Variants in SEPTIN11 observed in about 807,000 individuals in gnomAD.
SEPTIN11 encodes the protein septin 11.
Under a neutral mutation model 51.4 loss-of-function variants are expected in SEPTIN11, and 25 were observed. That is an observed-to-expected ratio of 0.49 (90% CI 0.35 to 0.68). The LOEUF (loss-of-function observed/expected upper bound fraction) is 0.68, where lower values mean the gene tolerates loss of function less well. SEPTIN11 is among the 30% of genes least tolerant of loss of function. SEPTIN11 has a pLI of 0.00. For missense variants in SEPTIN11, 381 were observed against 520.8 expected (o/e 0.73, Z 2.61); for synonymous variants, 174 against 184.1 (o/e 0.95, Z 0.44).
intron 8 of SEPTIN11, among the ~76,000 whole-genome samples, chr4:77,029,243 C>T (rs1370601655): frequency 6.6e-6 from 1 of 152,222 alleles, no homozygotes; most frequent in Non-Finnish European, 1.5e-5. Flanking sequence ...CTCCCTGCTT[C>T]AGCCTTACCT....
chr4:76,969,132 G>A (rs1253665254), intron 1 of SEPTIN11, among the ~76,000 whole-genome samples: 2 of 152,150 alleles, frequency 1.3e-5, no homozygotes, highest in East Asian at 3.8e-4. Flanking sequence ...AATTTTTCAG[G>A]CCAACAGAAG....
chr4:77,036,858 C>A lies in SEPTIN11; in HGVS notation c.*2346C>A. 8 of 1,439,934 alleles carry A rather than the reference C, an allele frequency of 5.6e-6. No individual in the cohort carries two copies. Among genetic ancestry groups the A allele is most frequent in the South Asian group, 1.5e-5 (1 of 68,708 alleles). 89.2% of individuals were successfully genotyped at this position (1,439,934 alleles called of 1,614,324 possible). A position where few individuals can be genotyped will look rare whatever the true frequency, so the allele number is the denominator to read the frequency against. ...TGCATGTAAGTACGGTAGTAAGAAA[C>A]CTTTGAGATCTTTCTGACTTTTCAA... On this transcript the variant is annotated 3_prime_UTR_variant, in exon 10 of 10. Transcript: ENST00000264893.
At chr4:76,967,234 A>G (rs1252901550) in intron 1 of SEPTIN11, among the ~76,000 whole-genome samples, 1 of 152,216 alleles carries the variant, frequency 6.6e-6, no homozygotes, top group Non-Finnish European at 1.5e-5. Flanking sequence ...TGATGTAGCT[A>G]TAACATTAAT....
At chr4:76,956,993 T>TGTGTGTGTGTGAGA (rs769320568) in intron 1 of SEPTIN11, among the ~76,000 whole-genome samples, 15 of 98,486 alleles carry the variant, frequency 1.5e-4, no homozygotes, top group African/African-American at 4.6e-4. Context: ...TGTGTGTGTG[T>TGTGTGTGTGTGAGA]GAGAGAGAGA....
At chr4:76,970,514 A>G (rs1338419789) in intron 1 of SEPTIN11, among the ~76,000 whole-genome samples, 2 of 152,248 alleles carry the variant, frequency 1.3e-5, no homozygotes, top group African/African-American at 2.4e-5. Flanking sequence ...AATTTTCTCC[A>G]GGAATTCTTA....
At position 77,037,003 on chromosome 4, in the gene SEPTIN11, T is replaced by A; in HGVS notation, c.*2491T>A. The A allele has an allele frequency of 8.0e-7, 1 of 1,255,860 alleles. No homozygotes were observed. The highest frequency in any genetic ancestry group is 1.0e-6 in the Non-Finnish European group (1 of 1,003,492). The allele number at this position is 1,255,860 out of a possible 1,614,324, so 77.8% of individuals were successfully genotyped here. A position where few individuals can be genotyped will look rare whatever the true frequency, so the allele number is the denominator to read the frequency against. On this transcript the variant is annotated 3_prime_UTR_variant, in exon 10 of 10. Coordinates refer to ENST00000264893, the MANE Select transcript of SEPTIN11 (RefSeq NM_018243.4). ...ACTAAATATATTTAAAAGGCCACAT[T>A]TATATTTTTTTCACAAGAACCACAT...
intron 6 of SEPTIN11, 93 bp downstream of exon 6, chr4:77,019,354 T>A: frequency 9.5e-7 from 1 of 1,051,702 alleles, no homozygotes; most frequent in Non-Finnish European, 1.4e-6. Flanking sequence ...AGGGAGGCCC[T>A]CAACAGTGGG....
chr4:76,986,008 T>C lies in SEPTIN11; in HGVS notation c.28-10417T>C, dbSNP rs538128523. Among the ~76,000 whole-genome samples the C allele has an allele frequency of 4.0e-5, 6 of 150,906 alleles. No individual in the cohort carries two copies. In the East Asian group the frequency reaches 9.8e-4, roughly 25 times the overall value. ...GTGGGAAAAATTTGGCCGAAAAGAG[T>C]GTGGTGGGTGACCAGCAAATGTTAG... is the stretch of plus-strand genomic sequence containing the variant. On this transcript the variant is annotated intron_variant, in intron 1 of 9. Coordinates refer to ENST00000264893, the MANE Select transcript of SEPTIN11 (RefSeq NM_018243.4).
chr4:77,037,358 CA>C lies in SEPTIN11; in HGVS notation c.*2858del, dbSNP rs769454719. The C allele has an allele frequency of 0.056, 36,859 of 653,672 alleles. 11 individuals carry two copies. The highest frequency in any genetic ancestry group is 0.063 in the Non-Finnish European group (33,943 of 536,530). 40.5% of individuals were successfully genotyped at this position (653,672 alleles called of 1,614,324 possible). On this transcript the variant is annotated 3_prime_UTR_variant, in exon 10 of 10. Transcript: ENST00000264893. The stretch of plus-strand genomic sequence containing the variant: ...ACCTGGGTGATGAAGTGAGACTCTC[CA>C]AAAAAAAAAAAGAAATTATTAATCC...
At position 76,984,045 on chromosome 4, in the gene SEPTIN11, A is replaced by T. The variant is rs72607858; in HGVS notation, c.28-12380A>T. On this transcript the variant is annotated intron_variant, in intron 1 of 9. Coordinates refer to ENST00000264893, the MANE Select transcript of SEPTIN11 (RefSeq NM_018243.4). This position sits in a 1 kb window ranked among gnomAD's most constrained non-coding sequence, Gnocchi z 4.1. ...AAAGAAAAAAAGAACTCTTAGGAAGACTTGAGGATTTTGGCCATAATTGTT... is the reference window on the plus strand; with the variant it reads ...AAAGAAAAAAAGAACTCTTAGGAAGTCTTGAGGATTTTGGCCATAATTGTT... Among the ~76,000 whole-genome samples the T allele has an allele frequency of 0.021, 3,246 of 152,256 alleles. 97 individuals carry two copies. The highest frequency in any genetic ancestry group is 0.12 in the East Asian group (641 of 5,182).
intron 1 of SEPTIN11, among the ~76,000 whole-genome samples, chr4:76,966,018 C>A (rs754271130): frequency 2.0e-5 from 3 of 152,206 alleles, no homozygotes; most frequent in Non-Finnish European, 4.4e-5. Context: ...GCTGCCATTT[C>A]TTTTACATGG....
intron 1 of SEPTIN11, chr4:76,972,356 T>C (rs2109902830): frequency 6.6e-6 from 1 of 152,368 alleles, no homozygotes; most frequent in South Asian, 2.1e-4. Context: ...TAATTATATT[T>C]AACTACTGTT....
chr4:77,039,736 T>G (rs1727259379), downstream of SEPTIN11: 1 of 985,382 alleles, frequency 1.0e-6, no homozygotes. Context: ...ATGTTTTTAT[T>G]TTTCAGCTGA....
In SEPTIN11 at chr4:77,037,178, A is replaced by G; in HGVS notation, c.*2666A>G. ...GGAGTTCAAGACCACCTTGGCGAACACGGTGAAACCCCGTCTCTACAAAAA... is the reference window on the plus strand; with the variant it reads ...GGAGTTCAAGACCACCTTGGCGAACGCGGTGAAACCCCGTCTCTACAAAAA... On this transcript the variant is annotated 3_prime_UTR_variant, in exon 10 of 10. Transcript: ENST00000264893. 4.5e-6 allele frequency: 3 copies of G among 670,362 alleles called. No homozygotes were observed. Among genetic ancestry groups the G allele is most frequent in the Non-Finnish European group, 5.5e-6 (3 of 541,004 alleles). 41.5% of individuals were successfully genotyped at this position (670,362 alleles called of 1,614,324 possible). A position where few individuals can be genotyped will look rare whatever the true frequency, so the allele number is the denominator to read the frequency against.
rs1727130292 is a variant in SEPTIN11, at chr4:77,037,665, T to C, written c.*3153T>C. 1.0e-6 allele frequency: 1 copy of C among 985,830 alleles called. No individual in the cohort carries two copies. The highest frequency in any genetic ancestry group is 4.7e-5 in the South Asian group (1 of 21,284). 61.1% of individuals were successfully genotyped at this position (985,830 alleles called of 1,614,324 possible). On this transcript the variant is annotated 3_prime_UTR_variant, in exon 10 of 10. Coordinates refer to ENST00000264893, the MANE Select transcript of SEPTIN11 (RefSeq NM_018243.4). ...TTACCCCATATCTTTTGTTCAAACA[T>C]AATACCATCTTTTTGCTTCTTCTGA... is the stretch of plus-strand genomic sequence containing the variant.
chr4:76,949,861 C>T lies in SEPTIN11; in HGVS notation c.-43C>T, dbSNP rs774545955. The T allele has an allele frequency of 4.6e-6, 7 of 1,510,938 alleles. No individual in the cohort carries two copies. Among genetic ancestry groups the T allele is most frequent in the Non-Finnish European group, 6.2e-6 (7 of 1,133,818 alleles). The allele number at this position is 1,510,938 out of a possible 1,614,324, so 93.6% of individuals were successfully genotyped here. Reference sequence around the variant, plus strand: ...GAGCACTAGCAGCAGCCGGAGTCGGCGTAAAGCACCCGGGCGCAGCCGGAG... The same window carrying T: ...GAGCACTAGCAGCAGCCGGAGTCGGTGTAAAGCACCCGGGCGCAGCCGGAG... On this transcript the variant is annotated 5_prime_UTR_variant, in exon 1 of 10. Transcript: ENST00000264893.
At chr4:76,955,536 T>C (rs1234838564) in intron 1 of SEPTIN11, among the ~76,000 whole-genome samples, 1 of 152,248 alleles carries the variant, frequency 6.6e-6, no homozygotes, top group Non-Finnish European at 1.5e-5. Flanking sequence ...GCATTCTTTA[T>C]AGGCATGTAT....
chr4:77,036,123 T>G lies in SEPTIN11; in HGVS notation c.*1611T>G, dbSNP rs1727008200. On this transcript the variant is annotated 3_prime_UTR_variant, in exon 10 of 10. Coordinates refer to ENST00000264893, the MANE Select transcript of SEPTIN11 (RefSeq NM_018243.4). ...ACTTAGAGGAAAGAAGGAATGGTCT[T>G]CCATGAACTGATTATGCTTAATTAA... 2 of 986,724 alleles carry G rather than the reference T, an allele frequency of 2.0e-6. No individual in the cohort carries two copies. Among genetic ancestry groups the G allele is most frequent in the Non-Finnish European group, 1.2e-6 (1 of 830,698 alleles). 61.1% of individuals were successfully genotyped at this position (986,724 alleles called of 1,614,324 possible).
chr4:77,015,265 T>C (rs1725139439), intron 5 of SEPTIN11, among the ~76,000 whole-genome samples: 1 of 152,182 alleles, frequency 6.6e-6, no homozygotes, highest in African/African-American at 2.4e-5. Flanking sequence ...CTACAGCAAA[T>C]CTTGTGAGAA....
Sources: gnomAD v4.1 joint callset for allele counts (sites outside exome capture counted in the v4.1 genomes callset) on GRCh38, gnomAD v4.1.1 for gene constraint, Gnocchi (gnomAD v3.1) non-coding constraint, MANE v1.5 for transcripts, NCBI Gene and HGNC (gene_info 2026-07-23, HGNC 2026-07-21) for gene names.